Variants in ABCA13 observed in about 807,000 individuals in gnomAD.
ABCA13 encodes ATP-binding cassette sub-family A member 13.
Under a neutral mutation model 478.7 loss-of-function variants are expected in ABCA13, and 476 were observed. The ratio of observed to expected loss-of-function variants is 0.99; its 90% CI spans 0.92 to 1.07. ABCA13 has a LOEUF of 1.07. ABCA13 is among the 50% of genes least tolerant of loss of function. The probability of loss-of-function intolerance (pLI) is 0.00; values close to 1 mark genes in which losing one functional copy is unlikely to be tolerated. For missense variants in ABCA13, 6,060 were observed against 5,910.6 expected (o/e 1.03, Z -0.83); for synonymous variants, 2,252 against 2,158.9 (o/e 1.04, Z -1.20).
Position 48,298,272 on chromosome 7 carries a change from A to G in ABCA13, c.9200-94A>G. ...TGGGTTGAATGGTGTGAAAGAAACT[A>G]TCCTAGCCAGGTTGTAATATCAAAT... On this transcript the variant is annotated intron_variant, in intron 22 of 61. Coordinates refer to ENST00000435803, the MANE Select transcript of ABCA13 (RefSeq NM_152701.5). 9.2e-6 allele frequency: 11 copies of G among 1,198,940 alleles called. No homozygotes were observed. In the South Asian group the frequency reaches 1.8e-4, roughly 19 times the overall value. 74.3% of individuals were successfully genotyped at this position (1,198,940 alleles called of 1,614,324 possible). A position where few individuals can be genotyped will look rare whatever the true frequency, so the allele number is the denominator to read the frequency against.
chr7:48,387,536 A>G (rs923293749), intron 35 of ABCA13, among the ~76,000 whole-genome samples: 3 of 152,130 alleles, frequency 2.0e-5, no homozygotes, highest in Admixed American at 6.6e-5. Context: ...ATATTCAGCA[A>G]TTATCCAAAA....
At chr7:48,587,432 A>G in intron 57 of ABCA13, 144 bp downstream of exon 57, 1 of 894,394 alleles carries the variant, frequency 1.1e-6, no homozygotes, top group South Asian at 2.7e-5. Flanking sequence ...GCCATAAGCC[A>G]GCATTTCCCA....
chr7:48,358,575 A>C (rs1053451362), intron 31 of ABCA13, among the ~76,000 whole-genome samples: 1 of 151,990 alleles, frequency 6.6e-6, no homozygotes, highest in African/African-American at 2.4e-5. Flanking sequence ...TTATTCCTCT[A>C]TTCATCTATG....
At position 48,340,365 on chromosome 7, in the gene ABCA13, C is replaced by T. The variant is rs562612692; in HGVS notation, c.10204+1910C>T. On this transcript the variant is annotated intron_variant, in intron 29 of 61. Transcript: ENST00000435803. ...AGGTGATCCTCCTGCCTCGGCCTCC[C>T]AAAGTGCTGGGATTACAGGCGTGAG... Among the ~76,000 whole-genome samples, 147 of 152,268 alleles carry T rather than the reference C, an allele frequency of 9.7e-4. 1 individual carries two copies. The highest frequency in any genetic ancestry group is 3.4e-3 in the African/African-American group (141 of 41,556).
intron 3 of ABCA13, among the ~76,000 whole-genome samples, chr7:48,207,094 C>G (rs556889453): frequency 6.6e-6 from 1 of 152,266 alleles, no homozygotes; most frequent in Non-Finnish European, 1.5e-5. Flanking sequence ...GCTTATTTCC[C>G]TTAACATAAT....
At chr7:48,216,931 A>G (rs1279288956) in intron 3 of ABCA13, among the ~76,000 whole-genome samples, 3 of 152,158 alleles carry the variant, frequency 2.0e-5, no homozygotes, top group Admixed American at 2.0e-4. Flanking sequence ...AGCTTTCTGG[A>G]ATTTCTCTCA....
intron 35 of ABCA13, among the ~76,000 whole-genome samples, chr7:48,385,257 C>T (rs552891614): frequency 3.0e-4 from 45 of 152,156 alleles, no homozygotes; most frequent in African/African-American, 1.0e-3. Context: ...GAGCCTAGTA[C>T]CCATCAGTTA....
chr7:48,626,434 TAC>T (rs1450570937), intron 59 of ABCA13, among the ~76,000 whole-genome samples: 1 of 151,964 alleles, frequency 6.6e-6, no homozygotes, highest in Non-Finnish European at 1.5e-5. Context: ...GCAAGTGGAA[TAC>T]AGGTGGAATC....
chr7:48,399,314 G>A (rs1817274802), intron 38 of ABCA13, among the ~76,000 whole-genome samples: 1 of 152,184 alleles, frequency 6.6e-6, no homozygotes, highest in Non-Finnish European at 1.5e-5. Context: ...GAGCTACAGA[G>A]CAGGTGGCTT....
chr7:48,551,936 C>T (rs927517726), intron 55 of ABCA13, among the ~76,000 whole-genome samples: 3 of 151,778 alleles, frequency 2.0e-5, no homozygotes, highest in African/African-American at 7.2e-5. Flanking sequence ...AAGGCAGCCT[C>T]ACTTTGATTC....
chr7:48,553,971 A>C (rs1785550697), intron 55 of ABCA13, among the ~76,000 whole-genome samples: 1 of 151,952 alleles, frequency 6.6e-6, no homozygotes, highest in South Asian at 2.1e-4. Flanking sequence ...TGTTAGATTT[A>C]ATTCTTTCAT....
intron 1 of ABCA13, among the ~76,000 whole-genome samples, chr7:48,178,526 A>T (rs141285846): frequency 0.92 from 139,640 of 151,930 alleles, 65,065 homozygotes; most frequent in Non-Finnish European, 0.99. Context: ...AATACAAAAA[A>T]TAGCCTGGCA....
rs779788704 is a variant in ABCA13 at position 48,245,896 on chromosome 7, C to T, written c.1525C>T (p.Arg509Cys). 3.1e-6 allele frequency: 5 copies of T among 1,613,230 alleles called. No individual in the cohort carries two copies. Among genetic ancestry groups the T allele is most frequent in the Admixed American group, 1.7e-5 (1 of 59,924 alleles). ...LAKNAVCPNG[R>C]FSEKEVFLPP... ...GAAGAATGCTGTCTGCCCGAATGGT[C>T]GTTTCTCTGAGAAGGAGGTCTTTTT... Residue 509 changes from arginine (R) to cysteine (C), a missense_variant, in exon 13 of 62, where the codon CGT becomes TGT. Transcript: ENST00000435803.
At chr7:48,460,921 G>T (rs1441632756) in intron 43 of ABCA13, among the ~76,000 whole-genome samples, 1 of 152,194 alleles carries the variant, frequency 6.6e-6, no homozygotes, top group African/African-American at 2.4e-5. Flanking sequence ...ATGATCCAGT[G>T]ATGTTAACAT....
Position 48,376,483 on chromosome 7 carries a change from G to A in ABCA13, c.11246G>A (p.Gly3749Asp). Residue 3749 changes from glycine to aspartate, a missense_variant, in exon 35 of 62, where the codon GGC becomes GAC. By Grantham distance (94) the Gly-to-Asp change is moderately conservative (BLOSUM62 -1). Around this residue, in one of 3 missense-constraint regions of ABCA13, gnomAD observed 4,423 missense variants for 4,309.1 expected, o/e 1.03. Coordinates refer to ENST00000435803, the MANE Select transcript of ABCA13 (RefSeq NM_152701.5). ...NNMYQALEQG[G>D]MTFGWVCWMI... ...ATGTACCAGGCTCTGGAACAAGGGG[G>A]CATGACATTTGGCTGGGTTTGCTGG... 2.5e-6 allele frequency: 4 copies of A among 1,613,904 alleles called. No individual in the cohort carries two copies. Among genetic ancestry groups the A allele is most frequent in the Non-Finnish European group, 3.4e-6 (4 of 1,179,854 alleles).
intron 14 of ABCA13, 116 bp downstream of exon 14, chr7:48,248,560 G>T: frequency 3.4e-6 from 3 of 889,550 alleles, no homozygotes; most frequent in Non-Finnish European, 3.2e-6. Flanking sequence ...AATAGAAAGA[G>T]GTTCAATTTA....
In ABCA13 at chr7:48,351,631, C is replaced by T. The variant is rs141625682; in HGVS notation, c.10382-550C>T. 2.1e-3 allele frequency among the ~76,000 whole-genome samples: 317 copies of T among 152,214 alleles called. 1 individual carries two copies. Among genetic ancestry groups the T allele is most frequent in the African/African-American group, 7.1e-3 (296 of 41,518 alleles). ...TTGAGTTAGGGCGCACCCTAATGGC[C>T]CTCATTTTAACTTGATTACTCTTTA... On this transcript the variant is annotated intron_variant, in intron 30 of 61. Coordinates refer to ENST00000435803, the MANE Select transcript of ABCA13 (RefSeq NM_152701.5).
intron 28 of ABCA13, among the ~76,000 whole-genome samples, chr7:48,337,920 G>A (rs986292069): frequency 1.3e-5 from 2 of 152,180 alleles, no homozygotes; most frequent in African/African-American, 4.8e-5. Flanking sequence ...AGATGCTTCC[G>A]AAGATGAATA....
At chr7:48,292,105 G>T (rs1798623161) in intron 20 of ABCA13, among the ~76,000 whole-genome samples, 1 of 151,976 alleles carries the variant, frequency 6.6e-6, no homozygotes. Flanking sequence ...TCCTTCTCCA[G>T]CCAACACCTC....
Sources: allele counts gnomAD v4.1 joint callset (sites outside exome capture counted in the v4.1 genomes callset), GRCh38; gene constraint gnomAD v4.1.1; regional missense constraint gnomAD v4.1.1; transcripts MANE v1.5; gene names NCBI Gene and HGNC (gene_info 2026-07-23, HGNC 2026-07-21).